The following SPRED2 variants were observed in gnomAD, a reference collection of about 807,000 sequenced individuals.
The protein encoded by SPRED2 is sprouty related EVH1 domain containing 2, also known as sprouty-related, EVH1 domain-containing protein 2.
A neutral mutation model predicts 43.0 loss-of-function variants in SPRED2; 47 were observed. That is an observed-to-expected ratio of 1.09 (90% CI 0.87 to 1.40). The LOEUF is 1.40. Among genes scored for constraint, SPRED2 ranks in the 40% most tolerant of loss-of-function variants. SPRED2 has a pLI of 0.00. For missense variants in SPRED2, 561 were observed against 586.4 expected, an observed-to-expected ratio of 0.96 and a Z score of 0.45; for synonymous variants, 225 against 225.7, an observed-to-expected ratio of 1.00 and a Z score of 0.03.
At chr2:65,326,826 ATTT>A (rs886075480) in intron 4 of SPRED2, among the ~76,000 whole-genome samples, 2 of 152,028 alleles carry the variant, frequency 1.3e-5, no homozygotes, top group Non-Finnish European at 2.9e-5. Context: ...TTTGTGAAAA[ATTT>A]TTGTTTCTTA....
intron 3 of SPRED2, among the ~76,000 whole-genome samples, chr2:65,332,722 A>G (rs915046074): frequency 4.6e-5 from 7 of 152,290 alleles, no homozygotes; most frequent in Non-Finnish European, 8.8e-5. Flanking sequence ...TTATTCCATC[A>G]TGGAACCAAT....
chr2:65,365,382 T>C (rs986725778), intron 1 of SPRED2, among the ~76,000 whole-genome samples: 2 of 152,262 alleles, frequency 1.3e-5, no homozygotes, highest in Non-Finnish European at 2.9e-5. Flanking sequence ...TTCCAAATTA[T>C]AGGAATTTCT....
chr2:65,395,683 T>C (rs948555796), intron 1 of SPRED2, among the ~76,000 whole-genome samples: 3 of 152,230 alleles, frequency 2.0e-5, no homozygotes, highest in African/African-American at 7.2e-5. Flanking sequence ...CAACAGCACC[T>C]ATCTCATAGG....
At position 65,313,934 on chromosome 2, in the gene SPRED2, C is replaced by A. The variant is rs770822900; in HGVS notation, c.824G>T (p.Gly275Val). 9.3e-6 allele frequency: 15 copies of A among 1,611,376 alleles called. No individual in the cohort carries two copies. The South Asian group carries it at 1.1e-4, about 12-fold the overall frequency. Residue 275 changes from glycine to valine, a missense_variant, in exon 6 of 6, where the codon GGC becomes GTC. Coordinates refer to ENST00000356388, the MANE Select transcript of SPRED2 (RefSeq NM_181784.3). ...NYPYVDSSDF[G>V]LGEDPKGRGG... ...GCGGCCTTTGGGGTCCTCGCCTAGG[C>A]CAAAGTCTGAGGAGTCCACGTAGGG...
chr2:65,400,587 G>A (rs1001806601), intron 1 of SPRED2, among the ~76,000 whole-genome samples: 4 of 152,168 alleles, frequency 2.6e-5, no homozygotes. Context: ...GTTCCATCTA[G>A]GCCGACTGTG....
intron 1 of SPRED2, among the ~76,000 whole-genome samples, chr2:65,355,571 A>G (rs1367820314): frequency 6.6e-6 from 1 of 152,164 alleles, no homozygotes; most frequent in Non-Finnish European, 1.5e-5. Flanking sequence ...ACAAAAAAGT[A>G]GCCGGGCATG....
At position 65,371,772 on chromosome 2, in the gene SPRED2, G is replaced by GAA. The variant is rs74313386; in HGVS notation, c.27-26878_27-26877dup. On this transcript the variant is annotated intron_variant, in intron 1 of 5. Coordinates refer to ENST00000356388, the MANE Select transcript of SPRED2 (RefSeq NM_181784.3). ...TATGGGCTATTATGCCAAGTAGATT[G>GAA]AAAAAAAAAAGTAAGAGGCTCAACC... Among the ~76,000 whole-genome samples, 15 of 150,008 alleles carry GAA rather than the reference G, an allele frequency of 1.0e-4. No homozygotes were observed. The South Asian group carries it at 2.1e-3, about 21-fold the overall frequency.
intron 1 of SPRED2, among the ~76,000 whole-genome samples, chr2:65,349,590 TG>T (rs1674449914): frequency 6.6e-6 from 1 of 152,248 alleles, no homozygotes; most frequent in South Asian, 2.1e-4. Flanking sequence ...TCACTTTTTT[TG>T]TGTTGCAGTT....
chr2:65,310,173 A>G (rs2104085593), downstream of SPRED2, among the ~76,000 whole-genome samples: 1 of 152,132 alleles, frequency 6.6e-6, no homozygotes, highest in South Asian at 2.1e-4. Flanking sequence ...GGCTTGCGAA[A>G]ATCACCCCCT....
At chr2:65,368,608 T>C (rs1218565374) in intron 1 of SPRED2, among the ~76,000 whole-genome samples, 1 of 152,182 alleles carries the variant, frequency 6.6e-6, no homozygotes, top group African/African-American at 2.4e-5. Flanking sequence ...TGTGCACACA[T>C]GCACAAACAA....
chr2:65,414,423 C>A (rs1397048126), intron 1 of SPRED2, among the ~76,000 whole-genome samples: 1 of 152,092 alleles, frequency 6.6e-6, no homozygotes, highest in Non-Finnish European at 1.5e-5. Flanking sequence ...ATCAGTATAA[C>A]CTCTGAAGCT....
downstream of SPRED2, chr2:65,308,263 A>T (rs905012780): frequency 5.5e-5 from 53 of 970,332 alleles, no homozygotes; most frequent in Middle Eastern, 5.3e-4. Context: ...GGCAAGTGCC[A>T]CTGAGCAGGA....
intron 1 of SPRED2, among the ~76,000 whole-genome samples, chr2:65,360,343 T>C (rs984130303): frequency 3.9e-5 from 6 of 152,230 alleles, no homozygotes; most frequent in African/African-American, 1.2e-4. Flanking sequence ...ATCCTGGATA[T>C]GCCATCCCCT....
chr2:65,382,511 C>A (rs1244152816), intron 1 of SPRED2, among the ~76,000 whole-genome samples: 1 of 152,176 alleles, frequency 6.6e-6, no homozygotes, highest in Non-Finnish European at 1.5e-5. Context: ...GGTTTCAAAG[C>A]CACAACTGGC....
At chr2:65,373,383 G>A (rs960317980) in intron 1 of SPRED2, among the ~76,000 whole-genome samples, 9 of 152,192 alleles carry the variant, frequency 5.9e-5, no homozygotes, top group Admixed American at 5.9e-4. Flanking sequence ...CAATGGATTG[G>A]GAGGAAAGCT....
intron 1 of SPRED2, among the ~76,000 whole-genome samples, chr2:65,347,097 C>G (rs1452952741): frequency 6.6e-6 from 1 of 152,138 alleles, no homozygotes; most frequent in African/African-American, 2.4e-5. Context: ...TCTCCGACCA[C>G]CTCGTAAGTT....
intron 1 of SPRED2, among the ~76,000 whole-genome samples, chr2:65,424,818 G>A (rs560258620): frequency 3.3e-5 from 5 of 152,098 alleles, no homozygotes; most frequent in African/African-American, 1.2e-4. Flanking sequence ...CAGGTGTGGT[G>A]GCGCACACCT....
chr2:65,422,077 AACAC>A (rs367817858), intron 1 of SPRED2, among the ~76,000 whole-genome samples: 142 of 127,750 alleles, frequency 1.1e-3, no homozygotes, highest in African/African-American at 3.3e-3. Flanking sequence ...TTGTATGTAC[AACAC>A]ACACACACAC....
intron 1 of SPRED2, among the ~76,000 whole-genome samples, chr2:65,419,221 C>A (rs1382549220): frequency 6.6e-6 from 1 of 152,288 alleles, no homozygotes; most frequent in South Asian, 2.1e-4. Flanking sequence ...AGACAAGGTG[C>A]TAACTCCAAG....
Sources: allele counts gnomAD v4.1 joint callset (sites outside exome capture counted in the v4.1 genomes callset), GRCh38; gene constraint gnomAD v4.1.1; transcripts MANE v1.5; gene names NCBI Gene and HGNC (gene_info 2026-07-23, HGNC 2026-07-21).